PIWIL2: variants seen among roughly 807,000 people sequenced by gnomAD.
The protein encoded by PIWIL2 is piwi like RNA-mediated gene silencing 2, also known as piwi-like protein 2.
In PIWIL2, 81 loss-of-function variants were observed where a neutral mutation model predicts 116.5. The observed-to-expected ratio is 0.70, with a 90% confidence interval of 0.58 to 0.84. The LOEUF (loss-of-function observed/expected upper bound fraction) is 0.84. PIWIL2 is among the 40% of genes least tolerant of loss of function. The pLI is 0.00. For synonymous variants in PIWIL2, 489 were observed against 429.5 expected, an observed-to-expected ratio of 1.14 and a Z score of -1.71; for missense variants, 1,272 against 1,212.3, an observed-to-expected ratio of 1.05 and a Z score of -0.73.
chr8:22,295,734 T>A (rs1830883281), intron 10 of PIWIL2, among the ~76,000 whole-genome samples: 1 of 152,216 alleles, frequency 6.6e-6, no homozygotes, highest in South Asian at 2.1e-4. Flanking sequence ...GAAGAGCATT[T>A]ATTTTCCTGG....
chr8:22,336,272 T>C (rs182009506), intron 20 of PIWIL2, among the ~76,000 whole-genome samples: 8 of 152,232 alleles, frequency 5.3e-5, no homozygotes, highest in Non-Finnish European at 8.8e-5. Context: ...ATGACTTTAA[T>C]CTTTCAAAAT....
Position 22,286,998 on chromosome 8 carries a change from T to A in PIWIL2, c.744-530T>A, listed in dbSNP as rs77199789. Among the ~76,000 whole-genome samples, 39 of 151,550 alleles carry A rather than the reference T, an allele frequency of 2.6e-4. No individual in the cohort carries two copies. The East Asian group carries it at 6.8e-3, about 26-fold the overall frequency. The stretch of plus-strand genomic sequence containing the variant: ...TACTTGGGGGACTGAGGCAGAAGGA[T>A]CACTTGAGCCCAGGAGTTTGAGATG... On this transcript the variant is annotated intron_variant, in intron 6 of 22. Transcript: ENST00000356766.
At chr8:22,284,756 G>A (rs1830593897) in intron 6 of PIWIL2, among the ~76,000 whole-genome samples, 1 of 150,722 alleles carries the variant, frequency 6.6e-6, no homozygotes, top group Non-Finnish European at 1.5e-5. Flanking sequence ...TTAAATTTAG[G>A]GGTGAGAAAA....
rs559174499 is a variant in PIWIL2 at position 22,356,779 on chromosome 8, A to G, written c.*1274A>G. On this transcript the variant is annotated 3_prime_UTR_variant, in exon 23 of 23. Coordinates refer to ENST00000356766, the MANE Select transcript of PIWIL2 (RefSeq NM_018068.5). ...CAGCTTTGGAAAACGTGACACTCCT[A>G]CCAAAGTCCAGATGGTTAGAAAGTT... is the stretch of plus-strand genomic sequence containing the variant. The G allele has an allele frequency of 5.3e-5, 8 of 152,256 alleles. No homozygotes were observed. Among genetic ancestry groups the G allele is most frequent in the African/African-American group, 1.9e-4 (8 of 41,544 alleles). The allele number at this position is 152,256 out of a possible 1,614,324, so 9.4% of individuals were successfully genotyped here.
chr8:22,315,242 CT>C, intron 18 of PIWIL2, 97 bp downstream of exon 18: 1 of 727,626 alleles, frequency 1.4e-6, no homozygotes, highest in Non-Finnish European at 2.5e-6. Flanking sequence ...CTTCTCAACA[CT>C]TACTCAGTAG....
At chr8:22,351,481 AT>A (rs1832360068) in intron 20 of PIWIL2, among the ~76,000 whole-genome samples, 3 of 118,012 alleles carry the variant, frequency 2.5e-5, no homozygotes, top group Non-Finnish European at 5.4e-5. Flanking sequence ...ATATATATAT[AT>A]AATTTATATC....
chr8:22,335,816 C>T (rs964630652), intron 20 of PIWIL2, among the ~76,000 whole-genome samples: 3 of 152,160 alleles, frequency 2.0e-5, no homozygotes, highest in Non-Finnish European at 2.9e-5. Flanking sequence ...GCCTCTGCCT[C>T]CCAAAGTGGT....
intron 10 of PIWIL2, among the ~76,000 whole-genome samples, chr8:22,298,556 A>G (rs1233771509): frequency 6.6e-6 from 1 of 152,220 alleles, no homozygotes; most frequent in Non-Finnish European, 1.5e-5. Context: ...GATCTGAAGA[A>G]CAAAGAGTTA....
intron 13 of PIWIL2, 103 bp downstream of exon 13, chr8:22,306,119 C>A: frequency 1.3e-6 from 1 of 775,976 alleles, no homozygotes; most frequent in South Asian, 1.5e-5. Context: ...CTGATGTTGG[C>A]TTGCATTGTA....
In PIWIL2 at chr8:22,315,157, C is replaced by G. The variant is rs377416935; in HGVS notation, c.2208+12C>G. Reference sequence around the variant, plus strand: ...TGGATATTCCTCTGGTGAGTGATGCCGAGATGGTTCAGTTTGCCTCTCCAG... The same window carrying G: ...TGGATATTCCTCTGGTGAGTGATGCGGAGATGGTTCAGTTTGCCTCTCCAG... On this transcript the variant is annotated intron_variant, in intron 18 of 22. Transcript: ENST00000356766. 2 of 1,384,088 alleles carry G rather than the reference C, an allele frequency of 1.4e-6. No individual in the cohort carries two copies. The allele number at this position is 1,384,088 out of a possible 1,614,324, so 85.7% of individuals were successfully genotyped here. A position where few individuals can be genotyped will look rare whatever the true frequency, so the allele number is the denominator to read the frequency against.
At chr8:22,283,801 A>C (rs142920661) in intron 5 of PIWIL2, among the ~76,000 whole-genome samples, 1 of 152,318 alleles carries the variant, frequency 6.6e-6, no homozygotes, top group African/African-American at 2.4e-5. Flanking sequence ...TTTCCTTCCC[A>C]ATTGAGACAA....
intron 20 of PIWIL2, among the ~76,000 whole-genome samples, chr8:22,325,040 G>T (rs1483190387): frequency 1.3e-5 from 2 of 152,170 alleles, no homozygotes; most frequent in African/African-American, 2.4e-5. Context: ...GACAGCCGTA[G>T]CAGACTAATA....
intron 20 of PIWIL2, among the ~76,000 whole-genome samples, chr8:22,323,416 G>A (rs1831652271): frequency 6.6e-6 from 1 of 152,134 alleles, no homozygotes; most frequent in Non-Finnish European, 1.5e-5. Flanking sequence ...AAAGTGCTGG[G>A]ATTATAGGCA....
rs1213745427 is a variant in PIWIL2 at position 22,318,199 on chromosome 8, T to C, written c.2327T>C (p.Val776Ala). 1 of 1,613,332 alleles carries C rather than the reference T, an allele frequency of 6.2e-7. No homozygotes were observed. Among genetic ancestry groups the C allele is most frequent in the East Asian group, 2.2e-5 (1 of 44,880 alleles). ...CTCACAAAATGGTATTCCCGGGTGG[T>C]GTTCCAGATGCCGCATCAGGAGATT... ...LTLTKWYSRV[V>A]FQMPHQEIVD... The change falls in exon 20 of 23, where the codon GTG becomes GCG. Residue 776 changes from valine to alanine, a missense_variant. Coordinates refer to ENST00000356766, the MANE Select transcript of PIWIL2 (RefSeq NM_018068.5).
chr8:22,278,020 T>C (rs1292825892), intron 1 of PIWIL2, among the ~76,000 whole-genome samples: 3 of 151,856 alleles, frequency 2.0e-5, no homozygotes, highest in African/African-American at 7.3e-5. Flanking sequence ...AATACAAAAT[T>C]AGCCGAGCAT....
In PIWIL2 at chr8:22,333,148, T is replaced by C. The variant is rs536469193; in HGVS notation, c.2403+14873T>C. ...TAGATGTTGTACTCTCTAGGGTAAC[T>C]ACGAAAGGAAGAATAAAAGAGTGTA... On this transcript the variant is annotated intron_variant, in intron 20 of 22. Transcript: ENST00000356766. Among the ~76,000 whole-genome samples the C allele has an allele frequency of 2.0e-5, 3 of 152,188 alleles. No homozygotes were observed. The South Asian group carries it at 6.2e-4, about 32-fold the overall frequency.
At position 22,281,767 on chromosome 8, in the gene PIWIL2, A is replaced by ATT. The variant is rs1313870060; in HGVS notation, c.425+273_425+274dup. Among the ~76,000 whole-genome samples the ATT allele has an allele frequency of 1.8e-3, 217 of 118,492 alleles. 1 individual carries two copies. The highest frequency in any genetic ancestry group is 9.7e-3 in the South Asian group (35 of 3,622). 77.7% of individuals were successfully genotyped at this position (118,492 alleles called of 152,430 possible). The stretch of plus-strand genomic sequence containing the variant: ...TTAAAAAATTACCCTGATCATGGTG[A>ATT]TTTTTTTTTTTTTTTTTTTTTTGAG... On this transcript the variant is annotated intron_variant, in intron 4 of 22. Coordinates refer to ENST00000356766, the MANE Select transcript of PIWIL2 (RefSeq NM_018068.5).
At chr8:22,345,998 A>G (rs1301120203) in intron 20 of PIWIL2, among the ~76,000 whole-genome samples, 1 of 152,098 alleles carries the variant, frequency 6.6e-6, no homozygotes, top group Non-Finnish European at 1.5e-5. Flanking sequence ...TATGTTCTAA[A>G]ATTAGATAGT....
intron 20 of PIWIL2, among the ~76,000 whole-genome samples, chr8:22,328,385 T>C (rs1034490747): frequency 6.6e-5 from 10 of 152,204 alleles, no homozygotes; most frequent in Admixed American, 2.0e-4. Context: ...ACTTTATTTT[T>C]CTTTTTCAGT....
Sources: allele counts gnomAD v4.1 joint callset (sites outside exome capture counted in the v4.1 genomes callset), GRCh38; gene constraint gnomAD v4.1.1; transcripts MANE v1.5; gene names NCBI Gene and HGNC (gene_info 2026-07-23, HGNC 2026-07-21).